The following ZNF532 variants were observed in gnomAD, a reference collection of about 807,000 sequenced individuals.
The protein encoded by ZNF532 is zinc finger protein 532.
ZNF532 carries 22 observed loss-of-function variants against 89.3 expected under a neutral mutation model. That is an observed-to-expected ratio of 0.25 (90% confidence interval 0.18 to 0.35). The LOEUF is 0.35. ZNF532 is among the 10% of genes least tolerant of loss of function. ZNF532 has a pLI of 1.00. For missense variants in ZNF532, 1,132 were observed against 1,643.4 expected (o/e 0.69, Z 5.38); for synonymous variants, 606 against 649.6 (o/e 0.93, Z 1.02).
chr18:58,894,558 A>G (rs1195425361), intron 2 of ZNF532, among the ~76,000 whole-genome samples: 1 of 152,142 alleles, frequency 6.6e-6, no homozygotes, highest in Admixed American at 6.6e-5. Context: ...TTACTAATCA[A>G]ATCCAGTAAA....
intron 5 of ZNF532, among the ~76,000 whole-genome samples, chr18:58,944,966 G>A (rs919433707): frequency 6.6e-6 from 1 of 152,134 alleles, no homozygotes; most frequent in Non-Finnish European, 1.5e-5. Context: ...AGGAACTTGT[G>A]TAAGTAACCT....
chr18:58,939,348 A>G (rs1340553136), intron 4 of ZNF532, 97 bp from the exon 5 acceptor site: 18 of 1,027,910 alleles, frequency 1.8e-5, no homozygotes, highest in Non-Finnish European at 2.3e-5. Flanking sequence ...TTAAAAACCT[A>G]AAAGGGCTAT....
At chr18:58,939,757 A>T in intron 5 of ZNF532, 136 bp downstream of exon 5, 9 of 746,846 alleles carry the variant, frequency 1.2e-5, no homozygotes, top group Non-Finnish European at 1.9e-5. Flanking sequence ...ATGCTTTATG[A>T]AATACAGCTC....
chr18:58,921,133 T>C (rs2061043740), intron 3 of ZNF532, among the ~76,000 whole-genome samples: 2 of 151,986 alleles, frequency 1.3e-5, no homozygotes, highest in African/African-American at 2.4e-5. Context: ...ATGAATCTTA[T>C]TTTAGTAAAA....
chr18:58,953,862 C>T, intron 7 of ZNF532, 63 bp downstream of exon 7: 4 of 1,536,768 alleles, frequency 2.6e-6, no homozygotes, highest in Non-Finnish European at 3.5e-6. Context: ...TGGCAAGCTT[C>T]CAAGATGTGG....
intron 2 of ZNF532, among the ~76,000 whole-genome samples, chr18:58,910,474 AT>A (rs746882624): frequency 2.3e-4 from 34 of 149,054 alleles, no homozygotes; most frequent in Non-Finnish European, 3.3e-4. Context: ...TCTCTAGTTT[AT>A]TTTTTTTTTG....
chr18:58,866,556 A>G (rs1174736927), intron 2 of ZNF532, among the ~76,000 whole-genome samples: 2 of 152,224 alleles, frequency 1.3e-5, no homozygotes, highest in Non-Finnish European at 1.5e-5. Flanking sequence ...AGTACAGTCA[A>G]GAGGAGCCCA....
At chr18:58,974,906 C>T (rs1039068757) in intron 7 of ZNF532, among the ~76,000 whole-genome samples, 2 of 152,174 alleles carry the variant, frequency 1.3e-5, no homozygotes, top group Non-Finnish European at 2.9e-5. Flanking sequence ...TAAATATTTT[C>T]ATTCGATGTG....
intron 5 of ZNF532, among the ~76,000 whole-genome samples, chr18:58,942,379 C>T (rs1367567500): frequency 7.3e-6 from 1 of 136,460 alleles, no homozygotes; most frequent in African/African-American, 2.9e-5. Context: ...TCCTTCCTTC[C>T]TTCCTTCCTT....
intron 4 of ZNF532, among the ~76,000 whole-genome samples, chr18:58,937,465 A>C (rs78553631): frequency 0.036 from 5,513 of 152,278 alleles, 97 homozygotes; most frequent in East Asian, 0.057. Context: ...CTCTTGCTTC[A>C]AAAAATTCCA....
intron 3 of ZNF532, among the ~76,000 whole-genome samples, chr18:58,921,886 G>A (rs1056101795): frequency 8.5e-5 from 13 of 152,098 alleles, no homozygotes; most frequent in Non-Finnish European, 1.6e-4. Flanking sequence ...CAGGTGAATT[G>A]CCTGAGCTCA....
chr18:58,876,329 C>T (rs916525795), intron 2 of ZNF532, among the ~76,000 whole-genome samples: 2 of 152,124 alleles, frequency 1.3e-5, no homozygotes, highest in African/African-American at 4.8e-5. Flanking sequence ...TGCCATTGAC[C>T]CTGCTGGTTC....
At chr18:58,871,703 A>G (rs1363425918) in intron 2 of ZNF532, among the ~76,000 whole-genome samples, 4 of 152,210 alleles carry the variant, frequency 2.6e-5, no homozygotes, top group Non-Finnish European at 5.9e-5. Context: ...GAGAATATGC[A>G]GTGGAGAAGT....
chr18:58,874,633 G>A (rs2057286331), intron 2 of ZNF532, among the ~76,000 whole-genome samples: 1 of 152,178 alleles, frequency 6.6e-6, no homozygotes, highest in South Asian at 2.1e-4. Flanking sequence ...GAGCCACTGC[G>A]TCTGGCCTGA....
chr18:58,919,607 C>T lies in ZNF532; in HGVS notation c.1320C>T (p.Pro440=), dbSNP rs760665831. 1.2e-6 allele frequency: 2 copies of T among 1,614,064 alleles called. No homozygotes were observed. The highest frequency in any genetic ancestry group is 1.7e-5 in the Admixed American group (1 of 60,012). Residue 440 remains proline, a synonymous_variant, in exon 3 of 10, where the codon CCC becomes CCT. Transcript: ENST00000591808. The surrounding 1 kb of genome is among the most constrained non-coding windows in gnomAD (Gnocchi z 6.1). ...TNAVSPAELT[P]KQVTIKPVAT... is the part of the protein sequence containing the mutation. ...CAGTTTCCCCTGCAGAGCTCACCCCCAAACAGGTCACAATCAAGCCTGTGG... is the reference window on the plus strand; with the variant it reads ...CAGTTTCCCCTGCAGAGCTCACCCCTAAACAGGTCACAATCAAGCCTGTGG...
At chr18:58,895,860 T>TC (rs1407039127) in intron 2 of ZNF532, among the ~76,000 whole-genome samples, 2 of 151,394 alleles carry the variant, frequency 1.3e-5, no homozygotes, top group Non-Finnish European at 2.9e-5. Context: ...TTTCTTTCTT[T>TC]TTTTTTTTTT....
intron 2 of ZNF532, among the ~76,000 whole-genome samples, chr18:58,915,473 G>C (rs1222664309): frequency 6.6e-6 from 1 of 152,206 alleles, no homozygotes; most frequent in African/African-American, 2.4e-5. Context: ...TGTGGAGAAA[G>C]AGTTGCTTCT....
chr18:58,863,570 C>T (rs1389878264), upstream of ZNF532: 1 of 150,266 alleles, frequency 6.7e-6, no homozygotes, highest in African/African-American at 2.5e-5. Flanking sequence ...ACACACAGAC[C>T]CCGGCAGCGG....
rs1249493132 is a variant in ZNF532, at chr18:58,918,383, T to G, written c.96T>G (p.Ser32=). 1.2e-6 allele frequency: 2 copies of G among 1,614,208 alleles called. No individual in the cohort carries two copies. Among genetic ancestry groups the G allele is most frequent in the Admixed American group, 1.7e-5 (1 of 60,026 alleles). The part of the protein sequence containing the change: ...DMVDPKAAIE[S]GHDDHESHMK... Reference sequence around the variant, plus strand: ...TCGATCCTAAAGCAGCTATTGAGTCTGGACACGATGACCATGAAAGCCACA... The same window carrying G: ...TCGATCCTAAAGCAGCTATTGAGTCGGGACACGATGACCATGAAAGCCACA... Residue 32 remains serine (S), a synonymous_variant, in exon 3 of 10, where the codon TCT becomes TCG. Coordinates refer to ENST00000591808, the MANE Select transcript of ZNF532 (RefSeq NM_001375912.1).
Sources: allele counts gnomAD v4.1 joint callset (sites outside exome capture counted in the v4.1 genomes callset), GRCh38; gene constraint gnomAD v4.1.1; non-coding constraint Gnocchi (gnomAD v3.1); transcripts MANE v1.5; gene names NCBI Gene and HGNC (gene_info 2026-07-23, HGNC 2026-07-21).